Variants in RBFOX1 observed in about 807,000 individuals in gnomAD.
RBFOX1 encodes the protein RNA binding fox-1 homolog 1, also known as RNA binding protein fox-1 homolog 1.
A neutral mutation model predicts 57.7 loss-of-function variants in RBFOX1; 8 were observed. The ratio of observed to expected loss-of-function variants is 0.14; its 90% CI spans 0.08 to 0.25. The LOEUF (loss-of-function observed/expected upper bound fraction) is 0.25, where lower values mean the gene tolerates loss of function less well. Among genes scored for constraint, RBFOX1 ranks in the 10% least tolerant of loss-of-function variants. The probability of loss-of-function intolerance (pLI) is 1.00; values close to 1 mark genes in which losing one functional copy is unlikely to be tolerated. For missense variants in RBFOX1, 611 were observed against 548.5 expected (o/e 1.11, Z -1.14); for synonymous variants, 326 against 222.4 (o/e 1.47, Z -4.15).
At chr16:7,010,022 G>C (rs1205271490) in intron 3 of RBFOX1, among the ~76,000 whole-genome samples, 1 of 137,924 alleles carries the variant, frequency 7.3e-6, no homozygotes, top group Non-Finnish European at 1.5e-5. Context: ...GAAGCTCAGA[G>C]AACTCTTAAG....
At chr16:6,693,067 C>T (rs934244665) in intron 3 of RBFOX1, among the ~76,000 whole-genome samples, 5 of 149,858 alleles carry the variant, frequency 3.3e-5, no homozygotes, top group African/African-American at 9.7e-5. Flanking sequence ...TTATCACCAT[C>T]ATCCTCCTCT....
chr16:6,755,423 T>C (rs1402315464), intron 3 of RBFOX1, among the ~76,000 whole-genome samples: 1 of 152,202 alleles, frequency 6.6e-6, no homozygotes, highest in Non-Finnish European at 1.5e-5. Flanking sequence ...TATCTCATTG[T>C]GGTTTTGATT....
chr16:5,599,036 C>A lies in RBFOX1; in HGVS notation c.393C>A (p.Ser131=), dbSNP rs564553237. ...CATCCTTTTCAGCCTCTTTGGTCTC[C>A]GTCATCAATCACCGGGAATGGTTTT... is the stretch of plus-strand genomic sequence containing the variant. The change falls in exon 3 of 3, where the codon TCC becomes TCA. Residue 131 remains serine, a synonymous_variant. Coordinates refer to the RBFOX1 transcript ENST00000585867. 9 of 1,258,214 alleles carry A rather than the reference C, an allele frequency of 7.2e-6. No individual in the cohort carries two copies. In the East Asian group the frequency reaches 1.8e-4, roughly 25 times the overall value. 77.9% of individuals were successfully genotyped at this position (1,258,214 alleles called of 1,614,324 possible).
chr16:6,468,501 T>G (rs746031110), intron 2 of RBFOX1, among the ~76,000 whole-genome samples: 14 of 152,322 alleles, frequency 9.2e-5, no homozygotes, highest in Non-Finnish European at 1.8e-4. Flanking sequence ...TTATGAGTGA[T>G]GCATCATTGT....
At chr16:6,523,798 T>G (rs2096541327) in intron 2 of RBFOX1, among the ~76,000 whole-genome samples, 2 of 152,214 alleles carry the variant, frequency 1.3e-5, no homozygotes, top group African/African-American at 4.8e-5. Context: ...CTTATTTAGT[T>G]ACATTTTGAA....
chr16:6,537,217 A>G (rs563757003), intron 2 of RBFOX1, among the ~76,000 whole-genome samples: 1 of 152,140 alleles, frequency 6.6e-6, no homozygotes, highest in African/African-American at 2.4e-5. Context: ...CGGCACTTCT[A>G]ATAAGCTTCC....
chr16:6,806,836 A>ATATATATATATATATATTTT (rs754342591), intron 3 of RBFOX1, among the ~76,000 whole-genome samples: 1 of 91,904 alleles, frequency 1.1e-5, no homozygotes, highest in Non-Finnish European at 2.1e-5. Context: ...ATATATATAT[A>ATATATATATATATATATTTT]TTTTTTTTTT....
intron 3 of RBFOX1, among the ~76,000 whole-genome samples, chr16:6,665,229 G>GGA (rs781635837): frequency 0.022 from 3,337 of 152,224 alleles, 54 homozygotes; most frequent in Non-Finnish European, 0.035. Context: ...GTGTCACTTA[G>GGA]CTATAAAGGG....
Position 6,913,143 on chromosome 16 carries a change from T to TTTTTG in RBFOX1, c.-15-138899_-15-138895dup, listed in dbSNP as rs1238866134. On this transcript the variant is annotated intron_variant, in intron 3 of 15. Transcript: ENST00000550418. ...GCTGGGAGGCTGAAGAAGACACGTT[T>TTTTTG]TTTTGTTTTGTTTTGTTTTTTTGTT... Among the ~76,000 whole-genome samples the TTTTTG allele has an allele frequency of 2.0e-5, 3 of 152,222 alleles. No homozygotes were observed. The South Asian group carries it at 6.2e-4, about 32-fold the overall frequency.
At chr16:5,808,561 T>G (rs2055310380) in intron 3 of RBFOX1, among the ~76,000 whole-genome samples, 1 of 152,228 alleles carries the variant, frequency 6.6e-6, no homozygotes. Context: ...TCATGGAATG[T>G]TCTTCCATTT....
intron 4 of RBFOX1, among the ~76,000 whole-genome samples, chr16:7,138,414 G>T (rs2072653931): frequency 2.0e-5 from 3 of 152,156 alleles, no homozygotes; most frequent in African/African-American, 7.2e-5. Context: ...TCTGGGACAA[G>T]ATTTCCTTAT....
intron 1 of RBFOX1, among the ~76,000 whole-genome samples, chr16:6,173,399 G>A (rs549934709): frequency 2.0e-5 from 3 of 152,228 alleles, no homozygotes; most frequent in South Asian, 2.1e-4. Flanking sequence ...TTAGTGTTAC[G>A]TGTTATTTGC....
chr16:6,523,454 A>G (rs1156955928), intron 2 of RBFOX1, among the ~76,000 whole-genome samples: 1 of 152,182 alleles, frequency 6.6e-6, no homozygotes, highest in African/African-American at 2.4e-5. Context: ...TGTCCAATGC[A>G]GTGAAGAACT....
At chr16:5,772,884 T>A (rs764932567) in intron 3 of RBFOX1, among the ~76,000 whole-genome samples, 1 of 152,026 alleles carries the variant, frequency 6.6e-6, no homozygotes, top group Non-Finnish European at 1.5e-5. Context: ...AGTAGACCAG[T>A]AAGATGAGGG....
intron 3 of RBFOX1, among the ~76,000 whole-genome samples, chr16:6,733,609 G>C (rs1422444461): frequency 6.6e-6 from 1 of 152,180 alleles, no homozygotes; most frequent in Non-Finnish European, 1.5e-5. Context: ...CTTACAGGAA[G>C]TAGCCAGGGG....
At chr16:5,255,354 C>CCATCCATCCATCCA (rs1555468931) in intron 1 of RBFOX1, among the ~76,000 whole-genome samples, 2 of 86,252 alleles carry the variant, frequency 2.3e-5, no homozygotes, top group Admixed American at 1.3e-4. Flanking sequence ...CCATCCATCC[C>CCATCCATCCATCCA]TCCATCCATC....
intron 5 of RBFOX1, among the ~76,000 whole-genome samples, chr16:7,561,271 T>G (rs1167253078): frequency 1.3e-5 from 2 of 152,218 alleles, no homozygotes; most frequent in Non-Finnish European, 2.9e-5. Flanking sequence ...TATTACCCCA[T>G]GGATGCTTTT....
intron 4 of RBFOX1, among the ~76,000 whole-genome samples, chr16:7,480,354 C>A (rs1234560265): frequency 6.6e-6 from 1 of 152,142 alleles, no homozygotes; most frequent in East Asian, 1.9e-4. Context: ...TAGCACTATC[C>A]TTTTACTGTT....
intron 1 of RBFOX1, among the ~76,000 whole-genome samples, chr16:6,258,395 T>C (rs1318679667): frequency 1.3e-5 from 2 of 152,194 alleles, no homozygotes; most frequent in Non-Finnish European, 1.5e-5. Context: ...AAAACAACAA[T>C]TTCTCTTAGA....
Sources: allele counts gnomAD v4.1 joint callset (sites outside exome capture counted in the v4.1 genomes callset), GRCh38; gene constraint gnomAD v4.1.1; transcripts MANE v1.5; gene names NCBI Gene and HGNC (gene_info 2026-07-23, HGNC 2026-07-21).